The following SNHG17 variants were observed in gnomAD, a reference collection of about 807,000 sequenced individuals.
SNHG17 encodes the protein small nucleolar RNA host gene 17 (non-protein coding).
chr20:38,433,377 T>G (rs2084369611), intron 2 of SNHG17, among the ~76,000 whole-genome samples: 1 of 152,150 alleles, frequency 6.6e-6, no homozygotes, highest in African/African-American at 2.4e-5. Flanking sequence ...ACAGGCGAAG[T>G]GGCTCACACC....
chr20:38,432,288 T>G, intron 2 of SNHG17: 8 of 433,204 alleles, frequency 1.8e-5, no homozygotes, highest in Non-Finnish European at 2.5e-5. Context: ...TCTCATCTTA[T>G]GCACATATTG....
intron 1 of SNHG17, chr20:38,435,029 G>T: frequency 8.1e-7 from 1 of 1,230,906 alleles, no homozygotes. Context: ...CGACTCACCT[G>T]CCAGTGTCTT....
chr20:38,428,073 C>T (rs1458610032), intron 3 of SNHG17: 2 of 152,220 alleles, frequency 1.3e-5, no homozygotes, highest in Non-Finnish European at 2.9e-5. Context: ...ACTCAACCTG[C>T]ATCTTTTTTC....
At chr20:38,430,360 T>A (rs1364031536) in intron 3 of SNHG17, among the ~76,000 whole-genome samples, 1 of 151,822 alleles carries the variant, frequency 6.6e-6, no homozygotes, top group Non-Finnish European at 1.5e-5. Flanking sequence ...CCGGGCACAG[T>A]GGCTCACACC....
intron 2 of SNHG17, among the ~76,000 whole-genome samples, chr20:38,432,652 C>A (rs1481200731): frequency 6.6e-6 from 1 of 152,202 alleles, no homozygotes; most frequent in East Asian, 1.9e-4. Flanking sequence ...AAAACTACTT[C>A]CCTGACATGC....
At chr20:38,435,288 G>C in exon 1 of SNHG17, 1 of 1,231,746 alleles carries the variant, frequency 8.1e-7, no homozygotes, top group Non-Finnish European at 1.0e-6. Context: ...GGGGTGCGGT[G>C]GCGTGCGATG....
At chr20:38,431,913 A>G (rs2084347522) in intron 2 of SNHG17, 1 of 702,528 alleles carries the variant, frequency 1.4e-6, no homozygotes, top group Non-Finnish European at 1.7e-6. Context: ...ACCTCTCTCT[A>G]CTTCCCAGAC....
chr20:38,426,063 A>G (rs1280054193), intron 4 of SNHG17: 1 of 141,438 alleles, frequency 7.1e-6, no homozygotes, highest in Non-Finnish European at 1.6e-5. Context: ...CTCAAAAAAA[A>G]AAAAAAAAAA....
intron 3 of SNHG17, chr20:38,427,208 G>A: frequency 2.8e-6 from 1 of 354,468 alleles, no homozygotes; most frequent in Admixed American, 3.0e-5. Context: ...GAGAGGTCAA[G>A]CTGAGAAAGA....
At chr20:38,434,796 G>A in intron 1 of SNHG17, 2 of 957,174 alleles carry the variant, frequency 2.1e-6, no homozygotes, top group Non-Finnish European at 2.5e-6. Flanking sequence ...AGGGGAAAAC[G>A]AGTTAACGGT....
intron 2 of SNHG17, chr20:38,432,031 G>T: frequency 1.0e-6 from 1 of 985,380 alleles, no homozygotes; most frequent in Non-Finnish European, 1.2e-6. Context: ...TCCTGGCAGG[G>T]TGGAGATACC....
At chr20:38,429,614 C>A in intron 3 of SNHG17, 1 of 458,206 alleles carries the variant, frequency 2.2e-6, no homozygotes, top group Non-Finnish European at 4.3e-6. Context: ...GCAACACAAC[C>A]CACTAGATGA....
chr20:38,431,395 A>C (rs2084339550), intron 2 of SNHG17, among the ~76,000 whole-genome samples: 1 of 152,220 alleles, frequency 6.6e-6, no homozygotes, highest in African/African-American at 2.4e-5. Context: ...CACTTTGCAC[A>C]CAGGGGCAGA....
chr20:38,432,106 T>A (rs1055763404), intron 2 of SNHG17: 15 of 985,260 alleles, frequency 1.5e-5, no homozygotes, highest in Admixed American at 6.2e-5. Context: ...GGATGAGCTA[T>A]CTAGACATCA....
intron 2 of SNHG17, among the ~76,000 whole-genome samples, chr20:38,433,523 G>T (rs995829923): frequency 6.6e-6 from 1 of 152,170 alleles, no homozygotes; most frequent in Non-Finnish European, 1.5e-5. Flanking sequence ...CTTGAGTACA[G>T]GAGTTCAAGC....
chr20:38,434,012 G>A, intron 2 of SNHG17: 1 of 518,672 alleles, frequency 1.9e-6, no homozygotes, highest in Non-Finnish European at 3.9e-6. Context: ...AAAAAGGGCA[G>A]GTGAGCCCAC....
chr20:38,435,198 C>T, exon 1 of SNHG17: 1 of 1,232,096 alleles, frequency 8.1e-7, no homozygotes, highest in Non-Finnish European at 1.0e-6. Flanking sequence ...TGGACTCACC[C>T]GGCGCCCTGG....
chr20:38,422,509 A>G (rs2084173736), intron 5 of SNHG17, among the ~76,000 whole-genome samples: 1 of 152,202 alleles, frequency 6.6e-6, no homozygotes, highest in Non-Finnish European at 1.5e-5. Flanking sequence ...GAGGTCGGCA[A>G]ACTATCTGTG....
intron 3 of SNHG17, chr20:38,429,412 G>GT: frequency 4.8e-6 from 1 of 206,258 alleles, no homozygotes; most frequent in South Asian, 6.7e-5. Flanking sequence ...ATTTCCACAG[G>GT]TTCAGCTTGG....
Sources: gnomAD v4.1 joint callset for allele counts (sites outside exome capture counted in the v4.1 genomes callset) on GRCh38, gnomAD v4.1.1 for gene constraint, MANE v1.5 for transcripts, NCBI Gene and HGNC (gene_info 2026-07-23, HGNC 2026-07-21) for gene names.